PTGER3: variants seen among roughly 807,000 people sequenced by gnomAD.
PTGER3 encodes the protein prostaglandin E2 receptor EP3 subtype.
Under a neutral mutation model 34.7 loss-of-function variants are expected in PTGER3, and 22 were observed. The observed-to-expected ratio is 0.63, with a 90% CI of 0.45 to 0.91. The LOEUF (loss-of-function observed/expected upper bound fraction) is 0.91. Among genes scored for constraint, PTGER3 ranks in the 40% least tolerant of loss-of-function variants. The probability of loss-of-function intolerance (pLI) is 0.00; values close to 1 mark genes in which losing one functional copy is unlikely to be tolerated. For synonymous variants in PTGER3, 241 were observed against 230.1 expected, an observed-to-expected ratio of 1.05 and a Z score of -0.43; for missense variants, 468 against 519.4, an observed-to-expected ratio of 0.90 and a Z score of 0.96.
chr1:71,003,509 A>G (rs1288258081), intron 2 of PTGER3, among the ~76,000 whole-genome samples: 1 of 152,208 alleles, frequency 6.6e-6, no homozygotes, highest in Non-Finnish European at 1.5e-5. Flanking sequence ...AGGCAAATGC[A>G]TCTTTGGATA....
At chr1:70,869,179 A>G in intron 4 of PTGER3, 1 of 429,246 alleles carries the variant, frequency 2.3e-6, no homozygotes, top group Non-Finnish European at 4.7e-6. Context: ...GAGAGACTGT[A>G]TGTGTGTCGG....
At chr1:71,040,307 G>A (rs1008723309) in intron 1 of PTGER3, among the ~76,000 whole-genome samples, 7 of 152,094 alleles carry the variant, frequency 4.6e-5, no homozygotes, top group African/African-American at 9.7e-5. Context: ...GGTTGCTCAA[G>A]TATTCAGTCA....
At chr1:71,045,000 T>G (rs971753674) in intron 1 of PTGER3, among the ~76,000 whole-genome samples, 2 of 152,176 alleles carry the variant, frequency 1.3e-5, no homozygotes, top group Admixed American at 1.3e-4. Flanking sequence ...ACCTGTACAC[T>G]CCATTCCTCA....
intron 4 of PTGER3, among the ~76,000 whole-genome samples, chr1:70,928,534 A>AAGGTTGGAGGATCACTT (rs143816572): frequency 0.022 from 3,342 of 152,036 alleles, 120 homozygotes; most frequent in African/African-American, 0.075. Context: ...TCAGGGGACT[A>AAGGTTGGAGGATCACTT]AGGTTGGAGG....
intron 1 of PTGER3, among the ~76,000 whole-genome samples, chr1:71,024,645 CTTTTTT>C (rs35271200): frequency 6.8e-5 from 8 of 117,164 alleles, no homozygotes; most frequent in African/African-American, 2.8e-4. Context: ...CCTTTTCTTT[CTTTTTT>C]TTTTTTTTTT....
At chr1:70,865,930 T>G in intron 4 of PTGER3, 1 of 649,760 alleles carries the variant, frequency 1.5e-6, no homozygotes, top group South Asian at 2.0e-5. Flanking sequence ...TTTCCTGGAC[T>G]GTCATCCGGG....
At chr1:70,985,469 A>T (rs1654827472) in intron 2 of PTGER3, among the ~76,000 whole-genome samples, 2 of 152,184 alleles carry the variant, frequency 1.3e-5, no homozygotes, top group African/African-American at 4.8e-5. Flanking sequence ...TAAACAGCAA[A>T]CTGTTTCTCA....
At chr1:70,992,758 A>G (rs1655590792) in intron 2 of PTGER3, among the ~76,000 whole-genome samples, 2 of 152,182 alleles carry the variant, frequency 1.3e-5, no homozygotes, top group African/African-American at 4.8e-5. Context: ...ACCAAATAAA[A>G]GATACTAATT....
At chr1:70,940,550 G>A (rs1649661585) in intron 4 of PTGER3, among the ~76,000 whole-genome samples, 1 of 152,206 alleles carries the variant, frequency 6.6e-6, no homozygotes, top group Admixed American at 6.5e-5. Flanking sequence ...TGGCTGGGGA[G>A]GCCTTGGAAT....
intron 4 of PTGER3, among the ~76,000 whole-genome samples, chr1:70,925,202 G>A (rs565661593): frequency 5.3e-5 from 8 of 152,092 alleles, no homozygotes; most frequent in East Asian, 1.9e-4. Flanking sequence ...ATGGAGTTTC[G>A]CCATTCTGGC....
intron 1 of PTGER3, among the ~76,000 whole-genome samples, chr1:71,028,154 C>A (rs80353559): frequency 0.069 from 10,559 of 152,208 alleles, 451 homozygotes; most frequent in Middle Eastern, 0.11. Context: ...AGGGCTGACC[C>A]CATCCCTAGC....
At chr1:70,990,094 C>T (rs1443795322) in intron 2 of PTGER3, among the ~76,000 whole-genome samples, 1 of 151,834 alleles carries the variant, frequency 6.6e-6, no homozygotes, top group Non-Finnish European at 1.5e-5. Context: ...TGGCTCACGG[C>T]TGTAATGCCA....
At chr1:71,025,231 T>G (rs1658821897) in intron 1 of PTGER3, among the ~76,000 whole-genome samples, 1 of 151,226 alleles carries the variant, frequency 6.6e-6, no homozygotes, top group Non-Finnish European at 1.5e-5. Flanking sequence ...AGCTTCAAAC[T>G]AGGTGCTAAT....
Position 70,970,905 on chromosome 1 carries a change from C to T in PTGER3, c.*825G>A. 1 of 985,098 alleles carries T rather than the reference C, an allele frequency of 1.0e-6. No individual in the cohort carries two copies. Among genetic ancestry groups the T allele is most frequent in the Non-Finnish European group, 1.2e-6 (1 of 829,724 alleles). 61.0% of individuals were successfully genotyped at this position (985,098 alleles called of 1,614,324 possible). A position where few individuals can be genotyped will look rare whatever the true frequency, so the allele number is the denominator to read the frequency against. On this transcript the variant is annotated 3_prime_UTR_variant, in exon 4 of 4. Coordinates refer to ENST00000306666, the MANE Select transcript of PTGER3 (RefSeq NM_198719.2). ...TTTATTAATTTTGCCTTTGTATATG[C>T]TGCCAGAAAAGAAATATTAAGAAAT... is the stretch of plus-strand genomic sequence containing the variant.
chr1:71,011,078 G>T, intron 2 of PTGER3: 1 of 985,634 alleles, frequency 1.0e-6, no homozygotes, highest in Non-Finnish European at 1.2e-6. Flanking sequence ...TACTATGTTT[G>T]GTGGGGAGAC....
chr1:70,874,044 A>G (rs1417954902), intron 4 of PTGER3, among the ~76,000 whole-genome samples: 1 of 152,210 alleles, frequency 6.6e-6, no homozygotes, highest in Non-Finnish European at 1.5e-5. Flanking sequence ...ATTACTAATA[A>G]TAGTACTTGT....
At chr1:71,007,919 G>T in intron 2 of PTGER3, 2 of 985,212 alleles carry the variant, frequency 2.0e-6, no homozygotes, top group East Asian at 2.3e-4. Flanking sequence ...GCATGAAAAG[G>T]CTGACTTGTT....
At chr1:70,915,788 G>C (rs747309164) in intron 4 of PTGER3, among the ~76,000 whole-genome samples, 8 of 151,754 alleles carry the variant, frequency 5.3e-5, no homozygotes, top group Non-Finnish European at 1.0e-4. Context: ...TGAGTTTTCT[G>C]TTTCATTGGT....
At chr1:71,041,520 C>T (rs1660312015) in intron 1 of PTGER3, among the ~76,000 whole-genome samples, 1 of 152,084 alleles carries the variant, frequency 6.6e-6, no homozygotes, top group African/African-American at 2.4e-5. Flanking sequence ...AAAATGTTGC[C>T]ATATACTTAG....
Sources: allele counts gnomAD v4.1 joint callset (sites outside exome capture counted in the v4.1 genomes callset), GRCh38; gene constraint gnomAD v4.1.1; transcripts MANE v1.5; gene names NCBI Gene and HGNC (gene_info 2026-07-23, HGNC 2026-07-21).